The following C5orf24 variants were observed in gnomAD, a reference collection of about 807,000 sequenced individuals.
The protein encoded by C5orf24 is chromosome 5 open reading frame 24.
A neutral mutation model predicts 9.8 loss-of-function variants in C5orf24; 4 were observed. The ratio of observed to expected loss-of-function variants is 0.41; its 90% CI spans 0.20 to 0.93. The LOEUF (loss-of-function observed/expected upper bound fraction) is 0.93, where lower values mean the gene tolerates loss of function less well. C5orf24 is among the 40% of genes least tolerant of loss of function. C5orf24 has a pLI of 0.33. For missense variants in C5orf24, 170 were observed against 236.9 expected (o/e 0.72, Z 1.85); for synonymous variants, 73 against 81.3 (o/e 0.90, Z 0.55).
the C5orf24 span, among the ~76,000 whole-genome samples, chr5:134,839,918 A>G: frequency 6.6e-6 from 1 of 151,934 alleles, no homozygotes; most frequent in Admixed American, 6.6e-5. Flanking sequence ...CTGGTCTCAA[A>G]CTCCTGACCT....
chr5:134,856,594 T>C lies in C5orf24; in HGVS notation c.*1127T>C. ...AGGCGGAGGTTGCAGTGAGCCAAGA[T>C]TGTGCCACTGCACTCCAGCCTGGGT... is the stretch of plus-strand genomic sequence containing the variant. On this transcript the variant is annotated 3_prime_UTR_variant, in exon 2 of 2. Transcript: ENST00000394976. 2 of 493,704 alleles carry C rather than the reference T, an allele frequency of 4.1e-6. No individual in the cohort carries two copies. The highest frequency in any genetic ancestry group is 5.4e-6 in the Non-Finnish European group (2 of 367,910). The allele number at this position is 493,704 out of a possible 1,614,324, so 30.6% of individuals were successfully genotyped here.
At chr5:134,834,653 A>G in the C5orf24 span, among the ~76,000 whole-genome samples, 4 of 152,188 alleles carry the variant, frequency 2.6e-5, no homozygotes, top group Non-Finnish European at 5.9e-5. Flanking sequence ...ACAGTGGCTC[A>G]TGCCTGTAAT....
upstream of C5orf24, among the ~76,000 whole-genome samples, chr5:134,843,885 T>C (rs1755935853): frequency 6.6e-6 from 1 of 152,196 alleles, no homozygotes; most frequent in African/African-American, 2.4e-5. Flanking sequence ...TCCTATTACC[T>C]TATTTAATTT....
chr5:134,836,404 C>G, the C5orf24 span, among the ~76,000 whole-genome samples: 1 of 152,024 alleles, frequency 6.6e-6, no homozygotes, highest in Non-Finnish European at 1.5e-5. Context: ...AACTCCTGAC[C>G]TCAGATGATC....
rs1197730767 is a variant in C5orf24 at position 134,858,298 on chromosome 5, A to C, written c.*2831A>C. 1 of 167,096 alleles carries C rather than the reference A, an allele frequency of 6.0e-6. No individual in the cohort carries two copies. The highest frequency in any genetic ancestry group is 2.4e-5 in the African/African-American group (1 of 41,464). 10.4% of individuals were successfully genotyped at this position (167,096 alleles called of 1,614,324 possible). A position where few individuals can be genotyped will look rare whatever the true frequency, so the allele number is the denominator to read the frequency against. On this transcript the variant is annotated 3_prime_UTR_variant, in exon 2 of 2. Transcript: ENST00000394976. ...ACAGTTTACCGGTGCCATGCTGAAG[A>C]GAAAGACATCTAAGTGATAACATGA...
chr5:134,844,737 G>T (rs944554466), upstream of C5orf24, among the ~76,000 whole-genome samples: 1 of 147,276 alleles, frequency 6.8e-6, no homozygotes, highest in Non-Finnish European at 1.5e-5. Flanking sequence ...GTTTTTTGTT[G>T]TTGTTGTTGT....
intron 1 of C5orf24, among the ~76,000 whole-genome samples, chr5:134,847,121 A>G (rs1487949797): frequency 1.3e-5 from 2 of 152,240 alleles, no homozygotes; most frequent in African/African-American, 2.4e-5. Context: ...GAATTGTTCT[A>G]TAAAGAACGG....
upstream of C5orf24, among the ~76,000 whole-genome samples, chr5:134,844,806 C>G (rs1005111829): frequency 6.6e-5 from 10 of 152,092 alleles, no homozygotes; most frequent in African/African-American, 1.9e-4. Context: ...GGTGCGATCT[C>G]GGCTCACAGC....
In C5orf24 at chr5:134,845,986, C is replaced by A. The variant is rs996006030; in HGVS notation, c.-230C>A. On this transcript the variant is annotated 5_prime_UTR_variant, in exon 1 of 2. Coordinates refer to ENST00000394976, the MANE Select transcript of C5orf24 (RefSeq NM_001135586.1). ...CGCCTCTAACACTACAGGGTGGTAG[C>A]GGCCTCTTCGTACTGCGTCCGGGGC... 6.6e-6 allele frequency: 1 copy of A among 152,236 alleles called. No individual in the cohort carries two copies. The highest frequency in any genetic ancestry group is 2.4e-5 in the African/African-American group (1 of 41,458). The allele number at this position is 152,236 out of a possible 1,614,324, so 9.4% of individuals were successfully genotyped here.
In C5orf24 at chr5:134,857,141, A is replaced by G. The variant is rs1043013489; in HGVS notation, c.*1674A>G. On this transcript the variant is annotated 3_prime_UTR_variant, in exon 2 of 2. Coordinates refer to ENST00000394976, the MANE Select transcript of C5orf24 (RefSeq NM_001135586.1). ...GAGTTTGTTCTAAATAAAATATTAT[A>G]AACTTCAGACTTGAAAAAATTCCAC... is the stretch of plus-strand genomic sequence containing the variant. The G allele has an allele frequency of 2.3e-6, 3 of 1,297,688 alleles. 1 individual carries two copies. In the Admixed American group the frequency reaches 1.1e-4, roughly 46 times the overall value. The allele number at this position is 1,297,688 out of a possible 1,614,324, so 80.4% of individuals were successfully genotyped here. A position where few individuals can be genotyped will look rare whatever the true frequency, so the allele number is the denominator to read the frequency against.
At chr5:134,835,839 A>G in the C5orf24 span, among the ~76,000 whole-genome samples, 1 of 152,012 alleles carries the variant, frequency 6.6e-6, no homozygotes, top group Admixed American at 6.6e-5. Flanking sequence ...GTAGGACTAT[A>G]CAGGTGTGTG....
At chr5:134,842,306 A>G (rs1755906346), upstream of C5orf24, among the ~76,000 whole-genome samples, 1 of 152,090 alleles carries the variant, frequency 6.6e-6, no homozygotes. Flanking sequence ...CCTGGCCAAC[A>G]TGGTGAAACC....
At chr5:134,843,101 C>T (rs1035895276), upstream of C5orf24, among the ~76,000 whole-genome samples, 4 of 151,886 alleles carry the variant, frequency 2.6e-5, no homozygotes, top group Non-Finnish European at 2.9e-5. Flanking sequence ...CTTAGCCTCC[C>T]GAGTAGCTGG....
At chr5:134,838,810 T>C in the C5orf24 span, among the ~76,000 whole-genome samples, 1 of 150,808 alleles carries the variant, frequency 6.6e-6, no homozygotes, top group African/African-American at 2.4e-5. Flanking sequence ...CTAAGTATGG[T>C]CTTGTTGCAG....
chr5:134,857,510 C>G lies in C5orf24; in HGVS notation c.*2043C>G. 1.5e-6 allele frequency: 2 copies of G among 1,325,428 alleles called. No individual in the cohort carries two copies. Among genetic ancestry groups the G allele is most frequent in the South Asian group, 4.1e-5 (2 of 49,376 alleles). The allele number at this position is 1,325,428 out of a possible 1,614,324, so 82.1% of individuals were successfully genotyped here. A position where few individuals can be genotyped will look rare whatever the true frequency, so the allele number is the denominator to read the frequency against. On this transcript the variant is annotated 3_prime_UTR_variant, in exon 2 of 2. Transcript: ENST00000394976. ...TGACCTCAACAATATTAGCTTTGCACAAACCATAGAGAACGATGTTGGATG... is the reference window on the plus strand; with the variant it reads ...TGACCTCAACAATATTAGCTTTGCAGAAACCATAGAGAACGATGTTGGATG...
chr5:134,854,834 T>C (rs946425985), intron 1 of C5orf24, 64 bp from the exon 2 acceptor site: 12 of 1,536,648 alleles, frequency 7.8e-6, no homozygotes, highest in Non-Finnish European at 1.1e-5. Flanking sequence ...TCTCACTGAA[T>C]GCTGCATACA....
the C5orf24 span, among the ~76,000 whole-genome samples, chr5:134,835,792 C>G: frequency 2.0e-5 from 3 of 151,992 alleles, no homozygotes; most frequent in African/African-American, 7.2e-5. Context: ...CTCCTATGCT[C>G]AAGTGATCCT....
At chr5:134,842,829 A>G (rs2150170124), upstream of C5orf24, among the ~76,000 whole-genome samples, 3 of 152,300 alleles carry the variant, frequency 2.0e-5, no homozygotes, top group Non-Finnish European at 4.4e-5. Context: ...TTCCACCATT[A>G]TAAATGTACT....
At chr5:134,847,368 T>C (rs960500271) in intron 1 of C5orf24, among the ~76,000 whole-genome samples, 2 of 152,210 alleles carry the variant, frequency 1.3e-5, no homozygotes, top group African/African-American at 2.4e-5. Context: ...CGATCGCGGC[T>C]CACTGCAACC....
Sources: gnomAD v4.1 joint callset for allele counts (sites outside exome capture counted in the v4.1 genomes callset) on GRCh38, gnomAD v4.1.1 for gene constraint, MANE v1.5 for transcripts, NCBI Gene and HGNC (gene_info 2026-07-23, HGNC 2026-07-21) for gene names.